The following RFK variants were observed in gnomAD, a reference collection of about 807,000 sequenced individuals.
RFK encodes riboflavin kinase, also known as 0610038L10Rik.
RFK carries 4 observed loss-of-function variants against 17.6 expected under a neutral mutation model. The observed-to-expected ratio is 0.23, with a 90% CI of 0.11 to 0.52. RFK has a LOEUF of 0.52. RFK is among the 20% of genes least tolerant of loss of function. The pLI, the probability that RFK is intolerant of heterozygous loss-of-function variation, is 0.96. For missense variants in RFK, 189 were observed against 187.7 expected, an observed-to-expected ratio of 1.01 and a Z score of -0.04; for synonymous variants, 59 against 63.8, an observed-to-expected ratio of 0.92 and a Z score of 0.36.
chr9:76,394,417 C>G lies in RFK; in HGVS notation c.-246G>C. 2.3e-6 allele frequency: 1 copy of G among 429,872 alleles called. No individual in the cohort carries two copies. The highest frequency in any genetic ancestry group is 4.1e-6 in the Non-Finnish European group (1 of 243,542). 26.6% of individuals were successfully genotyped at this position (429,872 alleles called of 1,614,324 possible). On this transcript the variant is annotated 5_prime_UTR_variant, in exon 1 of 4. Transcript: ENST00000376736. ...TCCGCTGGAGGGCAGCGGAGACAGC[C>G]GAAGTAAGTGCCGGGTGTGAGCGGG...
rs1325237458 is a variant in RFK at position 76,387,528 on chromosome 9, C to T, written c.339G>A (p.Glu113=). ...CACCTTGAATTGCTGAAATAAGTGA[C>T]TCTGCAGAGAGAATATACCAGGTAA... is the stretch of plus-strand genomic sequence containing the variant. ...LRPEKNFDSL[E]SLISAIQGDI... The change falls in exon 4 of 4, where the codon GAG becomes GAA. Residue 113 remains glutamate, a splice_region_variant and synonymous_variant. Coordinates refer to ENST00000376736, the MANE Select transcript of RFK (RefSeq NM_018339.6). 1 of 1,609,448 alleles carries T rather than the reference C, an allele frequency of 6.2e-7. No individual in the cohort carries two copies. Among genetic ancestry groups the T allele is most frequent in the East Asian group, 2.2e-5 (1 of 44,816 alleles).
At position 76,385,881 on chromosome 9, in the gene RFK, GTTT is replaced by G. The variant is rs1186864206; in HGVS notation, c.*1515_*1517del. 6.6e-6 allele frequency: 1 copy of G among 152,116 alleles called. No homozygotes were observed. The highest frequency in any genetic ancestry group is 2.4e-5 in the African/African-American group (1 of 41,424). 9.4% of individuals were successfully genotyped at this position (152,116 alleles called of 1,614,324 possible). A position where few individuals can be genotyped will look rare whatever the true frequency, so the allele number is the denominator to read the frequency against. On this transcript the variant is annotated 3_prime_UTR_variant, in exon 4 of 4. Transcript: ENST00000376736. ...TATAAGATTTCTAAAATTAAAAACTGTTTTTGACATATTTTTATAAAGAAATAA... is the reference window on the plus strand; with the variant it reads ...TATAAGATTTCTAAAATTAAAAACTGTTGACATATTTTTATAAAGAAATAA...
At chr9:76,391,927 C>A (rs530984956) in intron 2 of RFK, among the ~76,000 whole-genome samples, 1,408 of 125,780 alleles carry the variant, frequency 0.011, 24 homozygotes, top group African/African-American at 0.035. Flanking sequence ...CATAGTGAGA[C>A]CCCATCTTTA....
Position 76,392,506 on chromosome 9 carries a change from C to T in RFK, c.146G>A (p.Gly49Asp). 3.1e-6 allele frequency: 5 copies of T among 1,614,158 alleles called. No individual in the cohort carries two copies. The highest frequency in any genetic ancestry group is 4.2e-6 in the Non-Finnish European group (5 of 1,179,978). Residue 49 changes from glycine to aspartate, a missense_variant, in exon 2 of 4, where the codon GGT becomes GAT. Coordinates refer to ENST00000376736, the MANE Select transcript of RFK (RefSeq NM_018339.6). ...ATCTCCACTTCCAACACTGGCCCAA[C>T]CATAGTAAATACCAGTGGATATATC... is the stretch of plus-strand genomic sequence containing the variant. ...PADISTGIYY[G>D]WASVGSGDVH...
At chr9:76,389,897 T>C (rs1409895994) in intron 2 of RFK, among the ~76,000 whole-genome samples, 2 of 152,130 alleles carry the variant, frequency 1.3e-5, no homozygotes, top group African/African-American at 4.8e-5. Flanking sequence ...CCAATCAAAA[T>C]CCTAGCAGGT....
In RFK at chr9:76,387,542, T is replaced by A; in HGVS notation, c.338-13A>T. ...GAAATAAGTGACTCTGCAGAGAGAA[T>A]ATACCAGGTAAAAATGATGAAAAAC... On this transcript the variant is annotated splice_polypyrimidine_tract_variant and intron_variant, in intron 3 of 3. Coordinates refer to ENST00000376736, the MANE Select transcript of RFK (RefSeq NM_018339.6). The A allele has an allele frequency of 6.3e-7, 1 of 1,595,504 alleles. No homozygotes were observed. The highest frequency in any genetic ancestry group is 1.1e-5 in the South Asian group (1 of 89,076).
rs2131556214 is a variant in RFK, at chr9:76,394,122, C to T, written c.50G>A (p.Gly17Asp). 2 of 1,609,494 alleles carry T rather than the reference C, an allele frequency of 1.2e-6. No homozygotes were observed. The highest frequency in any genetic ancestry group is 1.7e-5 in the Admixed American group (1 of 59,726). ...GATGCCCAGCTGCTTGGAGCCGCGG[C>T]CGAAGCCCCGCACCACTTGACCCCG... ...FCRGQVVRGF[G>D]RGSKQLGIPT... Residue 17 changes from glycine (G) to aspartate (D), a missense_variant, in exon 1 of 4, where the codon GGC becomes GAC. By Grantham distance (94) the Gly-to-Asp change is moderately conservative. Around this residue, in one of 3 missense-constraint regions of RFK, gnomAD observed 90 missense variants for 75.4 expected, o/e 1.19. Coordinates refer to ENST00000376736, the MANE Select transcript of RFK (RefSeq NM_018339.6).
At position 76,386,342 on chromosome 9, in the gene RFK, C is replaced by T. The variant is rs1822731762; in HGVS notation, c.*1057G>A. ...TTTGCCTTGGAATATAATTTCAAGG[C>T]CTTAAATATTAAAAATAATTTTATA... On this transcript the variant is annotated 3_prime_UTR_variant, in exon 4 of 4. Transcript: ENST00000376736. The T allele has an allele frequency of 6.6e-6, 1 of 152,002 alleles. No homozygotes were observed. Among genetic ancestry groups the T allele is most frequent in the Non-Finnish European group, 1.5e-5 (1 of 68,020 alleles). 9.4% of individuals were successfully genotyped at this position (152,002 alleles called of 1,614,324 possible).
At position 76,394,268 on chromosome 9, in the gene RFK, A is replaced by T; in HGVS notation, c.-97T>A. The T allele has an allele frequency of 1.6e-6, 2 of 1,270,224 alleles. No homozygotes were observed. The highest frequency in any genetic ancestry group is 2.2e-6 in the Non-Finnish European group (2 of 927,804). The allele number at this position is 1,270,224 out of a possible 1,614,324, so 78.7% of individuals were successfully genotyped here. ...CCAGACCCCGGACCAGCCGGGGGAC[A>T]GGAGCGTGAGCTCTGCCTGCCGCGG... On this transcript the variant is annotated 5_prime_UTR_variant, in exon 1 of 4. Coordinates refer to ENST00000376736, the MANE Select transcript of RFK (RefSeq NM_018339.6).
Position 76,387,336 on chromosome 9 carries a change from C to G in RFK, c.*63G>C. On this transcript the variant is annotated 3_prime_UTR_variant, in exon 4 of 4. Transcript: ENST00000376736. ...TTTTCAGTATATAACCAAGATGATG[C>G]TGAACAGTAATAAACACAGAAACAC... The G allele has an allele frequency of 1.4e-6, 2 of 1,462,382 alleles. No homozygotes were observed. The highest frequency in any genetic ancestry group is 1.9e-6 in the Non-Finnish European group (2 of 1,068,056). The allele number at this position is 1,462,382 out of a possible 1,614,324, so 90.6% of individuals were successfully genotyped here.
At chr9:76,393,008 A>G (rs1157737571) in intron 1 of RFK, among the ~76,000 whole-genome samples, 7 of 152,112 alleles carry the variant, frequency 4.6e-5, no homozygotes, top group Non-Finnish European at 7.4e-5. Flanking sequence ...TATCAATCCC[A>G]TCCTTCCATT....
intron 1 of RFK, chr9:76,393,815 A>G: frequency 2.0e-6 from 1 of 488,996 alleles, no homozygotes. Flanking sequence ...CTGGCCAAGG[A>G]GGCGTGAACG....
Position 76,394,423 on chromosome 9 carries a change from A to C in RFK, c.-252T>G. On this transcript the variant is annotated 5_prime_UTR_variant, in exon 1 of 4. Transcript: ENST00000376736. The stretch of plus-strand genomic sequence containing the variant: ...GGAGGGCAGCGGAGACAGCCGAAGT[A>C]AGTGCCGGGTGTGAGCGGGGTGGGG... The C allele has an allele frequency of 1.7e-5, 7 of 407,410 alleles. No individual in the cohort carries two copies. Among genetic ancestry groups the C allele is most frequent in the Non-Finnish European group, 3.1e-5 (7 of 229,376 alleles). 25.2% of individuals were successfully genotyped at this position (407,410 alleles called of 1,614,324 possible).
At chr9:76,393,847 G>C in intron 1 of RFK, 1 of 502,926 alleles carries the variant, frequency 2.0e-6, no homozygotes, top group Non-Finnish European at 3.5e-6. Context: ...GATTCATCTC[G>C]GGCTTCCGGC....
rs372570443 is a variant in RFK, at chr9:76,392,278, AAGAC to A, written c.234+136_234+139del. 1.1e-3 allele frequency: 832 copies of A among 770,290 alleles called. 6 individuals carry two copies. The African/African-American group carries it at 0.013, about 12-fold the overall frequency. 47.7% of individuals were successfully genotyped at this position (770,290 alleles called of 1,614,324 possible). A position where few individuals can be genotyped will look rare whatever the true frequency, so the allele number is the denominator to read the frequency against. ...TAAATGAATTAAACTCTCCAATTAA[AAGAC>A]AGAGATTGCCCAAAATTCCAGTATT... On this transcript the variant is annotated intron_variant, in intron 2 of 3. Coordinates refer to ENST00000376736, the MANE Select transcript of RFK (RefSeq NM_018339.6).
rs1365174126 is a variant in RFK at position 76,386,488 on chromosome 9, A to T, written c.*911T>A. The stretch of plus-strand genomic sequence containing the variant: ...AAATCTTGAGAAAACCTAAGGATGA[A>T]GTCTGTTGTTTTGTTTTTCCTAAAA... On this transcript the variant is annotated 3_prime_UTR_variant, in exon 4 of 4. Coordinates refer to ENST00000376736, the MANE Select transcript of RFK (RefSeq NM_018339.6). 6.6e-6 allele frequency: 1 copy of T among 152,200 alleles called. No homozygotes were observed. The highest frequency in any genetic ancestry group is 1.9e-4 in the East Asian group (1 of 5,198). The allele number at this position is 152,200 out of a possible 1,614,324, so 9.4% of individuals were successfully genotyped here.
At position 76,386,313 on chromosome 9, in the gene RFK, T is replaced by C. The variant is rs1046634442; in HGVS notation, c.*1086A>G. 2.6e-5 allele frequency: 4 copies of C among 152,210 alleles called. No homozygotes were observed. Among genetic ancestry groups the C allele is most frequent in the African/African-American group, 7.2e-5 (3 of 41,464 alleles). The allele number at this position is 152,210 out of a possible 1,614,324, so 9.4% of individuals were successfully genotyped here. ...TCGTGCATATACAACTACACCCATT[T>C]AGATTTGCCTTGGAATATAATTTCA... is the stretch of plus-strand genomic sequence containing the variant. On this transcript the variant is annotated 3_prime_UTR_variant, in exon 4 of 4. Coordinates refer to ENST00000376736, the MANE Select transcript of RFK (RefSeq NM_018339.6).
At chr9:76,392,629 G>T in intron 1 of RFK, 60 bp from the exon 2 acceptor site, 7 of 1,512,896 alleles carry the variant, frequency 4.6e-6, no homozygotes, top group Non-Finnish European at 6.4e-6. Context: ...GCCTGTAGCC[G>T]AGTGCAGTGG....
In RFK at chr9:76,389,289, G is replaced by A. The variant is rs1379840447; in HGVS notation, c.235-633C>T. 4.6e-5 allele frequency among the ~76,000 whole-genome samples: 7 copies of A among 152,124 alleles called. No individual in the cohort carries two copies. The East Asian group carries it at 7.7e-4, about 17-fold the overall frequency. ...GCACTGACTTAGAGTCAAAAGTCTG[G>A]GTTCCCACACTTGGTTAACTGTATA... On this transcript the variant is annotated intron_variant, in intron 2 of 3. Coordinates refer to ENST00000376736, the MANE Select transcript of RFK (RefSeq NM_018339.6).
Sources: allele counts gnomAD v4.1 joint callset (sites outside exome capture counted in the v4.1 genomes callset), GRCh38; gene constraint gnomAD v4.1.1; regional missense constraint gnomAD v4.1.1; transcripts MANE v1.5; gene names NCBI Gene and HGNC (gene_info 2026-07-23, HGNC 2026-07-21).